Variants in ITIH5 observed in about 807,000 individuals in gnomAD.
ITIH5 encodes inter-alpha-trypsin inhibitor heavy chain 5, also known as inter-alpha-trypsin inhibitor heavy chain H5.
Under a neutral mutation model 77.5 loss-of-function variants are expected in ITIH5, and 65 were observed. The observed-to-expected ratio is 0.84, with a 90% CI of 0.69 to 1.03. The LOEUF (loss-of-function observed/expected upper bound fraction) is 1.03. Ranked by LOEUF, ITIH5 falls within the 50% of genes least tolerant of loss-of-function variation. The pLI is 0.00. For missense variants in ITIH5, 1,208 were observed against 1,213.1 expected, an observed-to-expected ratio of 1.00 and a Z score of 0.06; for synonymous variants, 525 against 494.3, an observed-to-expected ratio of 1.06 and a Z score of -0.82.
At chr10:7,642,146 T>C (rs953163214) in intron 2 of ITIH5, 56 bp from the exon 3 acceptor site, 62 of 1,377,004 alleles carry the variant, frequency 4.5e-5, no homozygotes, top group Admixed American at 1.3e-4. Context: ...ATTTTGGTGG[T>C]AGTGGAACAT....
chr10:7,636,114 G>A (rs1833793887), intron 5 of ITIH5, among the ~76,000 whole-genome samples: 2 of 151,976 alleles, frequency 1.3e-5, no homozygotes, highest in South Asian at 4.1e-4. Context: ...ACTATTAGCT[G>A]AAATTCATAT....
At chr10:7,649,511 T>C (rs1834061337) in intron 2 of ITIH5, among the ~76,000 whole-genome samples, 1 of 117,316 alleles carries the variant, frequency 8.5e-6, no homozygotes, top group African/African-American at 3.1e-5. Context: ...GATGGATAGA[T>C]AGATAGATGG....
At chr10:7,633,966 G>A (rs1427632885) in intron 5 of ITIH5, among the ~76,000 whole-genome samples, 1 of 151,866 alleles carries the variant, frequency 6.6e-6, no homozygotes, top group African/African-American at 2.4e-5. Context: ...GTGGGCGCCT[G>A]TAATCCCAGC....
chr10:7,644,603 TCA>T (rs1833956263), intron 2 of ITIH5, among the ~76,000 whole-genome samples: 1 of 108,222 alleles, frequency 9.2e-6, no homozygotes, highest in African/African-American at 3.5e-5. Context: ...ATCATACATA[TCA>T]CATATATCAC....
chr10:7,632,307 A>G (rs1833725728), intron 5 of ITIH5, among the ~76,000 whole-genome samples: 1 of 152,174 alleles, frequency 6.6e-6, no homozygotes, highest in African/African-American at 2.4e-5. Flanking sequence ...TAGCAACAGG[A>G]TGTGACTGCA....
intron 9 of ITIH5, among the ~76,000 whole-genome samples, chr10:7,577,473 C>T (rs1832448813): frequency 6.6e-6 from 1 of 152,196 alleles, no homozygotes; most frequent in South Asian, 2.1e-4. Context: ...ATTCCCTCAC[C>T]AGTCTTGGTA....
rs562542080 is a variant in ITIH5, at chr10:7,587,758, G to T, written c.940-1689C>A. Among the ~76,000 whole-genome samples, 81 of 152,184 alleles carry T rather than the reference G, an allele frequency of 5.3e-4. 1 individual carries two copies. The highest frequency in any genetic ancestry group is 1.3e-4 in the Admixed American group (2 of 15,284). On this transcript the variant is annotated intron_variant, in intron 7 of 13. Transcript: ENST00000397146. ...AGCCCCGGCAGAGCTTAAGAGAAACGGTGAAGTCGGGAGTGGTGGTTTCCA... is the reference window on the plus strand; with the variant it reads ...AGCCCCGGCAGAGCTTAAGAGAAACTGTGAAGTCGGGAGTGGTGGTTTCCA...
intron 5 of ITIH5, among the ~76,000 whole-genome samples, chr10:7,633,449 T>C (rs1833744462): frequency 6.6e-6 from 1 of 152,180 alleles, no homozygotes; most frequent in Non-Finnish European, 1.5e-5. Context: ...TATTTTTATA[T>C]TTAGGAAGAG....
chr10:7,621,497 T>C (rs1285512003), intron 5 of ITIH5: 1 of 152,168 alleles, frequency 6.6e-6, no homozygotes, highest in Non-Finnish European at 1.5e-5. Context: ...AATGGGATTA[T>C]TTTACACACC....
intron 7 of ITIH5, among the ~76,000 whole-genome samples, chr10:7,589,894 G>A (rs1482761336): frequency 1.3e-5 from 2 of 152,000 alleles, no homozygotes; most frequent in African/African-American, 2.4e-5. Flanking sequence ...GGAGGGGATT[G>A]GTGCTCCCCT....
chr10:7,666,784 T>C lies in ITIH5; in HGVS notation c.90+19A>G. The C allele has an allele frequency of 6.3e-7, 1 of 1,592,454 alleles. No individual in the cohort carries two copies. The highest frequency in any genetic ancestry group is 8.6e-7 in the Non-Finnish European group (1 of 1,168,442). On this transcript the variant is annotated intron_variant, in intron 1 of 13. Coordinates refer to ENST00000397146, the MANE Select transcript of ITIH5 (RefSeq NM_030569.7). ...GGGGCGGCCGCGCCCGGGACCCGGC[T>C]CCCCTCGGCTCCACTTACCTGCTCC...
rs12768826 is a variant in ITIH5, at chr10:7,638,277, A to G, written c.402-799T>C. 4.6e-3 allele frequency among the ~76,000 whole-genome samples: 701 copies of G among 152,346 alleles called. 5 individuals carry two copies. Among genetic ancestry groups the G allele is most frequent in the Admixed American group, 7.6e-3 (116 of 15,302 alleles). On this transcript the variant is annotated intron_variant, in intron 4 of 13. Coordinates refer to ENST00000397146, the MANE Select transcript of ITIH5 (RefSeq NM_030569.7). ...TATAGACAGGATAATTCCAAGTCCA[A>G]TGTGAATGAATGACTAAGCTGATAG...
At chr10:7,581,097 C>A (rs1186324598) in intron 8 of ITIH5, among the ~76,000 whole-genome samples, 1 of 151,740 alleles carries the variant, frequency 6.6e-6, no homozygotes, top group Non-Finnish European at 1.5e-5. Context: ...CTGTCTCTAC[C>A]AAAAATACAA....
At chr10:7,623,246 T>C (rs893323115) in intron 5 of ITIH5, among the ~76,000 whole-genome samples, 1 of 152,192 alleles carries the variant, frequency 6.6e-6, no homozygotes, top group African/African-American at 2.4e-5. Flanking sequence ...CCTGGTGCAT[T>C]GACAAAAGGA....
At chr10:7,653,487 C>T (rs1436448826) in intron 2 of ITIH5, among the ~76,000 whole-genome samples, 1 of 152,064 alleles carries the variant, frequency 6.6e-6, no homozygotes, top group African/African-American at 2.4e-5. Context: ...AGATTACAGG[C>T]GTGAGCCATC....
intron 5 of ITIH5, among the ~76,000 whole-genome samples, chr10:7,625,639 C>A (rs1476586864): frequency 6.6e-6 from 1 of 151,916 alleles, no homozygotes; most frequent in Non-Finnish European, 1.5e-5. Flanking sequence ...GTGGCGTGAG[C>A]TTGTAACCCC....
intron 5 of ITIH5, among the ~76,000 whole-genome samples, chr10:7,631,440 C>T (rs534452130): frequency 1.3e-5 from 2 of 152,302 alleles, no homozygotes; most frequent in East Asian, 1.9e-4. Flanking sequence ...CAGAGAGGGA[C>T]TCAAGTACCT....
chr10:7,645,730 G>T (rs892441376), intron 2 of ITIH5, among the ~76,000 whole-genome samples: 2 of 152,036 alleles, frequency 1.3e-5, no homozygotes, highest in African/African-American at 4.8e-5. Context: ...GTCTCTTCAG[G>T]ACAAAATCTG....
chr10:7,573,442 G>A (rs2130951263), intron 10 of ITIH5, among the ~76,000 whole-genome samples: 1 of 151,920 alleles, frequency 6.6e-6, no homozygotes, highest in East Asian at 1.9e-4. Flanking sequence ...CAAGGTGGGA[G>A]GATCACTGGA....
Sources: allele counts gnomAD v4.1 joint callset (sites outside exome capture counted in the v4.1 genomes callset), GRCh38; gene constraint gnomAD v4.1.1; transcripts MANE v1.5; gene names NCBI Gene and HGNC (gene_info 2026-07-23, HGNC 2026-07-21).